The following PGAM5 variants were observed in gnomAD, a reference collection of about 807,000 sequenced individuals.
PGAM5 encodes the protein PGAM family member 5, mitochondrial serine/threonine protein phosphatase.
PGAM5 carries 25 observed loss-of-function variants against 30.6 expected under a neutral mutation model. The observed-to-expected ratio is 0.82, with a 90% CI of 0.60 to 1.14. The LOEUF (loss-of-function observed/expected upper bound fraction) is 1.14. PGAM5 is among the 50% of genes most tolerant of loss of function. The probability of loss-of-function intolerance (pLI) is 0.00; values close to 1 mark genes in which losing one functional copy is unlikely to be tolerated. For synonymous variants in PGAM5, 201 were observed against 179.1 expected (o/e 1.12, Z -0.98); for missense variants, 384 against 408.5 (o/e 0.94, Z 0.52).
Position 132,717,527 on chromosome 12 carries a change from CAT to C in PGAM5, c.461_462del (p.Ile154ArgfsTer93). 6.2e-7 allele frequency: 1 copy of C among 1,610,872 alleles called. No individual in the cohort carries two copies. Among genetic ancestry groups the C allele is most frequent in the Non-Finnish European group, 8.5e-7 (1 of 1,179,916 alleles). Reference sequence around the variant, plus strand: ...TCGTCCATTCGTCTATGACGCGCGCCATAGAGACCACCGATATCATCAGCCGG... The same window carrying C: ...TCGTCCATTCGTCTATGACGCGCGCCAGAGACCACCGATATCATCAGCCGG... ...KIVHSSMTRA[I>X]ETTDIISRHL... On this transcript the variant is annotated frameshift_variant, in exon 3 of 6. Transcript: ENST00000498926. LOFTEE classifies it high-confidence loss of function.
chr12:132,719,282 T>C (rs2043620077), intron 5 of PGAM5: 1 of 1,041,106 alleles, frequency 9.6e-7, no homozygotes, highest in Non-Finnish European at 1.2e-6. Flanking sequence ...TGGTCAGTGA[T>C]GCCGTGTGAG....
At chr12:132,714,612 A>T (rs777800210) in intron 1 of PGAM5, 96 of 445,440 alleles carry the variant, frequency 2.2e-4, no homozygotes, top group Admixed American at 3.0e-4. Flanking sequence ...TTAGAGAAGA[A>T]GATGCACAGG....
rs1036061596 is a variant in PGAM5, at chr12:132,718,008, C to T, written c.607C>T (p.Arg203Trp). ...EAVQYYEDGA[R>W]IEAAFRNYIH... Reference sequence around the variant, plus strand: ...CCAGCAGTATTACGAAGACGGAGCCCGGATCGAGGCCGCCTTCCGGAACTA... The same window carrying T: ...CCAGCAGTATTACGAAGACGGAGCCTGGATCGAGGCCGCCTTCCGGAACTA... Residue 203 changes from arginine (R) to tryptophan (W), a missense_variant, in exon 5 of 6, where the codon CGG becomes TGG. Coordinates refer to ENST00000498926, the MANE Select transcript of PGAM5 (RefSeq NM_001170543.2). 1 of 1,612,730 alleles carries T rather than the reference C, an allele frequency of 6.2e-7. No homozygotes were observed.
At chr12:132,717,637 T>C in intron 3 of PGAM5, 73 bp downstream of exon 3, 1 of 1,591,692 alleles carries the variant, frequency 6.3e-7, no homozygotes, top group African/African-American at 1.3e-5. Context: ...CCTGAGCTCC[T>C]GGCCACCGGG....
intron 5 of PGAM5, chr12:132,719,092 G>T: frequency 7.2e-7 from 1 of 1,397,654 alleles, no homozygotes. Flanking sequence ...TGGGGGGCAG[G>T]GCCAGCTCTA....
At position 132,721,000 on chromosome 12, in the gene PGAM5, A is replaced by C. The variant is rs2043639556; in HGVS notation, c.*172A>C. 6 of 803,660 alleles carry C rather than the reference A, an allele frequency of 7.5e-6. No homozygotes were observed. Among genetic ancestry groups the C allele is most frequent in the Non-Finnish European group, 1.1e-5 (6 of 527,770 alleles). The allele number at this position is 803,660 out of a possible 1,614,324, so 49.8% of individuals were successfully genotyped here. A position where few individuals can be genotyped will look rare whatever the true frequency, so the allele number is the denominator to read the frequency against. On this transcript the variant is annotated 3_prime_UTR_variant, in exon 6 of 6. Coordinates refer to ENST00000498926, the MANE Select transcript of PGAM5 (RefSeq NM_001170543.2). ...GGATCAGACAGCCTGACTTCTCTGC[A>C]GGGTTTTATACCTGACCATGAACCC...
At chr12:132,714,795 T>C (rs1475924465) in intron 1 of PGAM5, 63 bp from the exon 2 acceptor site, 2 of 1,559,266 alleles carry the variant, frequency 1.3e-6, no homozygotes, top group African/African-American at 1.4e-5. Flanking sequence ...AATAACATCT[T>C]GTCAGAAAAA....
In PGAM5 at chr12:132,720,820, C is replaced by A. The variant is rs746625849; in HGVS notation, c.862C>A (p.Arg288=). 6 of 1,536,380 alleles carry A rather than the reference C, an allele frequency of 3.9e-6. No homozygotes were observed. The highest frequency in any genetic ancestry group is 5.2e-6 in the Non-Finnish European group (6 of 1,146,788). ...TGFMPPDKIT[R]S is the part of the protein sequence containing the mutation. ...GTTCATGCCTCCCGACAAGATCACT[C>A]GATCCTGAGGGCTCCGGCCTCTCCT... Residue 288 remains arginine, a synonymous_variant, in exon 6 of 6, where the codon CGA becomes AGA. Transcript: ENST00000498926.
At position 132,714,498 on chromosome 12, in the gene PGAM5, C is replaced by T. The variant is rs192236140; in HGVS notation, c.192-360C>T. Reference sequence around the variant, plus strand: ...ATCTTGGCCCCGTGGACACTTTCCGCCTGCGCCCCGATAGCCGCTGTCCTC... The same window carrying T: ...ATCTTGGCCCCGTGGACACTTTCCGTCTGCGCCCCGATAGCCGCTGTCCTC... On this transcript the variant is annotated intron_variant, in intron 1 of 5. Transcript: ENST00000498926. Among the ~76,000 whole-genome samples, 88 of 152,352 alleles carry T rather than the reference C, an allele frequency of 5.8e-4. 1 individual carries two copies. The highest frequency in any genetic ancestry group is 2.0e-3 in the African/African-American group (85 of 41,582).
chr12:132,719,029 A>G, intron 5 of PGAM5: 10 of 1,430,838 alleles, frequency 7.0e-6, no homozygotes, highest in Non-Finnish European at 8.2e-6. Flanking sequence ...CCACCCTGCA[A>G]TCAGCCACTT....
At chr12:132,719,805 G>A (rs972684420) in intron 5 of PGAM5, among the ~76,000 whole-genome samples, 12 of 152,352 alleles carry the variant, frequency 7.9e-5, no homozygotes, top group Middle Eastern at 3.4e-3. Context: ...GAGACAGGGC[G>A]GTGGGTGGCT....
rs1320158327 is a variant in PGAM5, at chr12:132,720,779, C to A, written c.821C>A (p.Thr274Asn). Residue 274 changes from threonine (T) to asparagine (N), a missense_variant, in exon 6 of 6, where the codon ACC becomes AAC. Thr to Asn is a moderately conservative substitution (Grantham distance 65). Coordinates refer to ENST00000498926, the MANE Select transcript of PGAM5 (RefSeq NM_001170543.2). Reference protein sequence around the residue: ...IRPNGRVALRTLGDTGFMPPD... With the variant: ...IRPNGRVALRNLGDTGFMPPD... ...CCCAACGGCCGAGTTGCGCTCAGGA[C>A]CCTCGGGGACACGGGGTTCATGCCT... The A allele has an allele frequency of 2.0e-6, 3 of 1,536,358 alleles. No homozygotes were observed. In the Admixed American group the frequency reaches 5.9e-5, roughly 30 times the overall value.
intron 1 of PGAM5, among the ~76,000 whole-genome samples, chr12:132,713,936 T>G (rs1174533262): frequency 6.6e-6 from 1 of 152,156 alleles, no homozygotes; most frequent in African/African-American, 2.4e-5. Flanking sequence ...CCCAAAGTGC[T>G]GGGATCCACT....
chr12:132,714,911 A>C lies in PGAM5; in HGVS notation c.245A>C (p.Glu82Ala). Residue 82 changes from glutamate (E) to alanine (A), a missense_variant, in exon 2 of 6, where the codon GAA (glutamate) becomes GCA (alanine). Glu to Ala is a moderately radical substitution (Grantham distance 107). Transcript: ENST00000498926. ...CGGAAGAGGAACGTGGAATCTGGGG[A>C]AGAAGAGCTGGCGTCCAAGCTGGAC... ...NVRKRNVESG[E>A]EELASKLDHY... 1 of 1,613,710 alleles carries C rather than the reference A, an allele frequency of 6.2e-7. No individual in the cohort carries two copies. Among genetic ancestry groups the C allele is most frequent in the South Asian group, 1.1e-5 (1 of 91,078 alleles).
At position 132,717,551 on chromosome 12, in the gene PGAM5, C is replaced by T. The variant is rs1253814254; in HGVS notation, c.483C>T (p.Ser161=). The T allele has an allele frequency of 1.2e-6, 2 of 1,610,636 alleles. No individual in the cohort carries two copies. The highest frequency in any genetic ancestry group is 1.7e-5 in the Admixed American group (1 of 60,012). Residue 161 remains serine (S), a synonymous_variant, in exon 3 of 6, where the codon AGC becomes AGT. Coordinates refer to ENST00000498926, the MANE Select transcript of PGAM5 (RefSeq NM_001170543.2). Reference sequence around the variant, plus strand: ...CCATAGAGACCACCGATATCATCAGCCGGCACCTGCCAGGTGAGTGCTGCG... The same window carrying T: ...CCATAGAGACCACCGATATCATCAGTCGGCACCTGCCAGGTGAGTGCTGCG... ...TRAIETTDII[S]RHLPGVCKVS... is the part of the protein sequence containing the mutation.
intron 5 of PGAM5, among the ~76,000 whole-genome samples, chr12:132,719,619 A>G (rs528530418): frequency 6.6e-5 from 10 of 152,208 alleles, no homozygotes; most frequent in Admixed American, 6.5e-5. Context: ...CACAAATGCT[A>G]AAAATGCACA....
Position 132,715,018 on chromosome 12 carries a change from C to T in PGAM5, c.352C>T (p.Arg118Cys), listed in dbSNP as rs376090046. The change falls in exon 2 of 6, where the codon CGC becomes TGC. Residue 118 changes from arginine (R) to cysteine (C), a missense_variant. Coordinates refer to ENST00000498926, the MANE Select transcript of PGAM5 (RefSeq NM_001170543.2). ...YHVDGSLEKD[R>C]TLTPLGREQA... The stretch of plus-strand genomic sequence containing the variant: ...CGTGGATGGCTCCCTGGAGAAGGAC[C>T]GCACTCTGACCCCGCTGGGTATGTG... 76 of 1,612,120 alleles carry T rather than the reference C, an allele frequency of 4.7e-5. No individual in the cohort carries two copies. Among genetic ancestry groups the T allele is most frequent in the East Asian group, 2.2e-4 (10 of 44,836 alleles).
chr12:132,717,400 G>A, intron 2 of PGAM5, 39 bp from the exon 3 acceptor site: 2 of 1,597,328 alleles, frequency 1.3e-6, no homozygotes, highest in Non-Finnish European at 1.7e-6. Flanking sequence ...GTGGAGGAGG[G>A]GGTGCAGGTG....
At chr12:132,720,625 G>C in intron 5 of PGAM5, 53 bp from the exon 6 acceptor site, 1 of 1,506,184 alleles carries the variant, frequency 6.6e-7, no homozygotes, top group Non-Finnish European at 8.9e-7. Context: ...CCGTTTTAAG[G>C]ACAGAGCCCC....
Sources: gnomAD v4.1 joint callset for allele counts (sites outside exome capture counted in the v4.1 genomes callset) on GRCh38, gnomAD v4.1.1 for gene constraint, MANE v1.5 for transcripts, NCBI Gene and HGNC (gene_info 2026-07-23, HGNC 2026-07-21) for gene names.